PDE4D: variants seen among roughly 807,000 people sequenced by gnomAD.
PDE4D encodes the protein 3',5'-cyclic-AMP phosphodiesterase 4D.
A neutral mutation model predicts 87.4 loss-of-function variants in PDE4D; 24 were observed. The ratio of observed to expected loss-of-function variants is 0.27; its 90% CI spans 0.20 to 0.39. The LOEUF is 0.39. Among genes scored for constraint, PDE4D ranks in the 10% least tolerant of loss-of-function variants. PDE4D has a pLI of 1.00. For synonymous variants in PDE4D, 384 were observed against 383.2 expected, an observed-to-expected ratio of 1.00 and a Z score of -0.02; for missense variants, 714 against 1,041.0, an observed-to-expected ratio of 0.69 and a Z score of 4.32.
intron 1 of PDE4D, among the ~76,000 whole-genome samples, chr5:60,202,867 T>C (rs1377685244): frequency 6.6e-6 from 1 of 152,050 alleles, no homozygotes; most frequent in Non-Finnish European, 1.5e-5. Flanking sequence ...ATTTGGCAAA[T>C]ACATCAAAAG....
At chr5:60,513,525 G>C (rs772109632) in intron 1 of PDE4D, among the ~76,000 whole-genome samples, 2 of 152,008 alleles carry the variant, frequency 1.3e-5, no homozygotes, top group Non-Finnish European at 2.9e-5. Flanking sequence ...TAATAAGTGG[G>C]AAAATAGTCA....
intron 1 of PDE4D, among the ~76,000 whole-genome samples, chr5:59,318,582 G>T (rs1209772707): frequency 6.7e-6 from 1 of 149,552 alleles, no homozygotes; most frequent in African/African-American, 2.5e-5. Flanking sequence ...TTCTGAAAGG[G>T]GTGAAAATAT....
intron 1 of PDE4D, among the ~76,000 whole-genome samples, chr5:59,827,714 C>T (rs6450533): frequency 0.025 from 3,761 of 152,106 alleles, 124 homozygotes; most frequent in African/African-American, 0.071. Context: ...GCTGGGTGCT[C>T]GGGAGGAGCA....
At chr5:59,071,845 C>T (rs1273393360) in intron 5 of PDE4D, among the ~76,000 whole-genome samples, 1 of 151,730 alleles carries the variant, frequency 6.6e-6, no homozygotes, top group African/African-American at 2.4e-5. Flanking sequence ...TACTACCACG[C>T]CCAGCTAATT....
chr5:59,215,580 T>A, intron 2 of PDE4D, 197 bp downstream of exon 2: 1 of 560,416 alleles, frequency 1.8e-6, no homozygotes, highest in Non-Finnish European at 3.2e-6. Context: ...TGTGTGTGTG[T>A]GTGTGTGTTA....
chr5:59,737,266 A>G (rs1358890850), intron 1 of PDE4D, among the ~76,000 whole-genome samples: 1 of 152,174 alleles, frequency 6.6e-6, no homozygotes, highest in Non-Finnish European at 1.5e-5. Flanking sequence ...AAAAATGTTA[A>G]AATGTTATTT....
intron 4 of PDE4D, among the ~76,000 whole-genome samples, chr5:59,182,171 G>A (rs1416712386): frequency 1.3e-5 from 2 of 151,892 alleles, no homozygotes; most frequent in South Asian, 2.1e-4. Context: ...ATTTAAACTC[G>A]ATAAACCAAA....
At position 59,735,832 on chromosome 5, in the gene PDE4D, A is replaced by T. The variant is rs1276502623; in HGVS notation, c.455+157336T>A. Among the ~76,000 whole-genome samples, 3 of 151,986 alleles carry T rather than the reference A, an allele frequency of 2.0e-5. No individual in the cohort carries two copies. In the East Asian group the frequency reaches 5.8e-4, roughly 29 times the overall value. On this transcript the variant is annotated intron_variant, in intron 1 of 14. Coordinates refer to ENST00000340635, the MANE Select transcript of PDE4D (RefSeq NM_001104631.2). ...CAGGCATGTACCACCACACCCAGAT[A>T]ATTTTTAAATATTTTTAGTACAGAC...
At chr5:59,922,262 A>G (rs1754756896) in intron 3 of PDE4D, among the ~76,000 whole-genome samples, 1 of 152,178 alleles carries the variant, frequency 6.6e-6, no homozygotes, top group African/African-American at 2.4e-5. Flanking sequence ...ATAAACTTGA[A>G]CGACAGTCTA....
chr5:59,010,085 G>A (rs899934465), intron 6 of PDE4D, among the ~76,000 whole-genome samples: 1 of 152,168 alleles, frequency 6.6e-6, no homozygotes, highest in Non-Finnish European at 1.5e-5. Context: ...TAGCACTTTA[G>A]GAGGCCGAGG....
chr5:59,940,272 G>C (rs912786775), intron 3 of PDE4D, among the ~76,000 whole-genome samples: 2 of 152,184 alleles, frequency 1.3e-5, no homozygotes, highest in African/African-American at 4.8e-5. Flanking sequence ...TAGAAGAAGG[G>C]GGAGGCACAT....
rs189497828 is a variant in PDE4D, at chr5:59,210,019, G to A, written c.647+5758C>T. On this transcript the variant is annotated intron_variant, in intron 2 of 14. Coordinates refer to ENST00000340635, the MANE Select transcript of PDE4D (RefSeq NM_001104631.2). ...TCCCATCACTCCTACACCACAGGGT[G>A]AGGGGTGAGGATACCTCCCCAGCTG... Among the ~76,000 whole-genome samples the A allele has an allele frequency of 8.5e-5, 13 of 152,368 alleles. No homozygotes were observed. In the East Asian group the frequency reaches 2.1e-3, roughly 25 times the overall value.
At chr5:60,026,608 G>A (rs1017328419) in intron 2 of PDE4D, among the ~76,000 whole-genome samples, 4 of 152,084 alleles carry the variant, frequency 2.6e-5, no homozygotes, top group Non-Finnish European at 4.4e-5. Flanking sequence ...ATATTTAGGG[G>A]TTAGTCTTTT....
At chr5:60,391,164 T>A (rs1762537040) in intron 1 of PDE4D, among the ~76,000 whole-genome samples, 1 of 152,170 alleles carries the variant, frequency 6.6e-6, no homozygotes, top group African/African-American at 2.4e-5. Context: ...CCTAGAACAG[T>A]GACTTGTACC....
chr5:59,453,342 T>G (rs1799441535), intron 1 of PDE4D, among the ~76,000 whole-genome samples: 1 of 152,126 alleles, frequency 6.6e-6, no homozygotes, highest in Non-Finnish European at 1.5e-5. Flanking sequence ...TCAAGTGAGG[T>G]GAAGAGCAGC....
At position 59,264,193 on chromosome 5, in the gene PDE4D, A is replaced by C. The variant is rs577439169; in HGVS notation, c.456-48225T>G. Reference sequence around the variant, plus strand: ...TATGTCCCTCTTCTGTCTGGCAGAGATCACCAATGGATCACAGCACATTTT... The same window carrying C: ...TATGTCCCTCTTCTGTCTGGCAGAGCTCACCAATGGATCACAGCACATTTT... On this transcript the variant is annotated intron_variant, in intron 1 of 14. Transcript: ENST00000340635. Among the ~76,000 whole-genome samples, 5 of 152,140 alleles carry C rather than the reference A, an allele frequency of 3.3e-5. 1 individual carries two copies. The highest frequency in any genetic ancestry group is 1.3e-4 in the Admixed American group (2 of 15,240).
At chr5:60,378,881 AAG>A (rs368224897) in intron 1 of PDE4D, among the ~76,000 whole-genome samples, 16 of 150,866 alleles carry the variant, frequency 1.1e-4, no homozygotes, top group East Asian at 7.7e-4. Context: ...GAAAGAAAGA[AAG>A]AGAGAGAGAG....
chr5:59,733,956 C>T (rs1757733996), intron 1 of PDE4D, among the ~76,000 whole-genome samples: 2 of 152,034 alleles, frequency 1.3e-5, no homozygotes, highest in African/African-American at 4.8e-5. Context: ...ATTAAATCTG[C>T]ATTAATCTAA....
chr5:59,614,375 T>A (rs1335021976), intron 1 of PDE4D, among the ~76,000 whole-genome samples: 3 of 152,236 alleles, frequency 2.0e-5, no homozygotes, highest in African/African-American at 7.2e-5. Flanking sequence ...ATAGAAATTA[T>A]GATTTTGTTT....
Sources: gnomAD v4.1 joint callset for allele counts (sites outside exome capture counted in the v4.1 genomes callset) on GRCh38, gnomAD v4.1.1 for gene constraint, MANE v1.5 for transcripts, NCBI Gene and HGNC (gene_info 2026-07-23, HGNC 2026-07-21) for gene names.